The following TTLL11 variants were observed in gnomAD, a reference collection of about 807,000 sequenced individuals.
TTLL11 encodes tubulin polyglutamylase TTLL11.
Under a neutral mutation model 51.7 loss-of-function variants are expected in TTLL11, and 42 were observed. The ratio of observed to expected loss-of-function variants is 0.81; its 90% CI spans 0.64 to 1.05. The LOEUF is 1.05. Among genes scored for constraint, TTLL11 ranks in the 50% least tolerant of loss-of-function variants. The probability of loss-of-function intolerance (pLI) is 0.00; values close to 1 mark genes in which losing one functional copy is unlikely to be tolerated. For synonymous variants in TTLL11, 381 were observed against 383.5 expected, an observed-to-expected ratio of 0.99 and a Z score of 0.08; for missense variants, 799 against 940.4, an observed-to-expected ratio of 0.85 and a Z score of 1.97.
chr9:121,949,969 C>G (rs1426163881), intron 6 of TTLL11, among the ~76,000 whole-genome samples: 1 of 152,038 alleles, frequency 6.6e-6, no homozygotes, highest in African/African-American at 2.4e-5. Flanking sequence ...CTTGCTCTGT[C>G]CGCATCCATC....
chr9:121,935,930 C>T (rs60535180), intron 6 of TTLL11, among the ~76,000 whole-genome samples: 13,105 of 152,176 alleles, frequency 0.086, 922 homozygotes, highest in African/African-American at 0.19. Context: ...CGACAGGTCT[C>T]CAGGTACCCG....
chr9:122,063,188 T>C (rs1845484394), intron 1 of TTLL11, among the ~76,000 whole-genome samples: 1 of 152,190 alleles, frequency 6.6e-6, no homozygotes, highest in Non-Finnish European at 1.5e-5. Flanking sequence ...TTGAAAGCCA[T>C]TTTACATACT....
At chr9:121,909,872 AG>A (rs1375530305) in intron 6 of TTLL11, among the ~76,000 whole-genome samples, 5 of 152,130 alleles carry the variant, frequency 3.3e-5, no homozygotes, top group Non-Finnish European at 5.9e-5. Context: ...AGGTAAGAAG[AG>A]AGGAATGCCT....
intron 6 of TTLL11, among the ~76,000 whole-genome samples, chr9:121,895,988 T>G (rs1588106132): frequency 1.7e-5 from 1 of 60,024 alleles, no homozygotes; most frequent in Middle Eastern, 9.3e-3. Context: ...CTGTGGTGGG[T>G]GTTTTGTGTG....
rs768215225 is a variant in TTLL11, at chr9:121,971,746, G to GAAAAAAAAA, written c.1481+2254_1481+2262dup. ...ACTAAGAAAAATTCCTCTGCCTTGG[G>GAAAAAAAAA]AAAAAAAAAAAAAAAGAAAATGTGG... On this transcript the variant is annotated intron_variant, in intron 6 of 8. Transcript: ENST00000321582. Among the ~76,000 whole-genome samples the GAAAAAAAAA allele has an allele frequency of 9.3e-4, 91 of 97,696 alleles. 1 individual carries two copies. Among genetic ancestry groups the GAAAAAAAAA allele is most frequent in the Middle Eastern group, 6.6e-3 (1 of 152 alleles). 64.1% of individuals were successfully genotyped at this position (97,696 alleles called of 152,430 possible).
intron 3 of TTLL11, among the ~76,000 whole-genome samples, chr9:121,990,577 A>T (rs1564345013): frequency 6.6e-6 from 1 of 152,178 alleles, no homozygotes; most frequent in Non-Finnish European, 1.5e-5. Flanking sequence ...TCCTCACTTT[A>T]AAAATGGGGA....
intron 4 of TTLL11, among the ~76,000 whole-genome samples, chr9:121,986,070 C>T (rs544589288): frequency 1.3e-5 from 2 of 152,220 alleles, no homozygotes; most frequent in Non-Finnish European, 1.5e-5. Flanking sequence ...CGTCTCCCCC[C>T]ATGCTCCTCC....
intron 7 of TTLL11, among the ~76,000 whole-genome samples, chr9:121,861,087 G>GT (rs11310991): frequency 0.035 from 4,526 of 130,962 alleles, 90 homozygotes; most frequent in Non-Finnish European, 0.051. Context: ...CAAGGCAAGT[G>GT]TTTTTTTTTT....
chr9:122,020,898 GT>G (rs1467611891), intron 3 of TTLL11, among the ~76,000 whole-genome samples: 2 of 152,336 alleles, frequency 1.3e-5, no homozygotes, highest in Admixed American at 1.3e-4. Flanking sequence ...AGAAAAAAAA[GT>G]TTGTTATTCG....
intron 7 of TTLL11, among the ~76,000 whole-genome samples, chr9:121,865,618 A>G (rs1003224679): frequency 1.3e-5 from 2 of 152,154 alleles, no homozygotes; most frequent in Non-Finnish European, 2.9e-5. Context: ...ACAAAAATGC[A>G]TCTCCCTCCA....
At chr9:121,933,951 C>T (rs1018988330) in intron 6 of TTLL11, among the ~76,000 whole-genome samples, 36 of 152,176 alleles carry the variant, frequency 2.4e-4, no homozygotes, top group African/African-American at 8.0e-4. Flanking sequence ...TTGGTCCAGC[C>T]GGGCGCTGTG....
chr9:121,828,418 G>T (rs1021043397), intron 8 of TTLL11, among the ~76,000 whole-genome samples: 1 of 151,924 alleles, frequency 6.6e-6, no homozygotes, highest in Non-Finnish European at 1.5e-5. Context: ...CAACTGATCC[G>T]CCCACCTTGG....
intron 3 of TTLL11, among the ~76,000 whole-genome samples, chr9:122,013,698 T>C (rs2131756038): frequency 6.6e-6 from 1 of 152,276 alleles, no homozygotes; most frequent in Middle Eastern, 3.4e-3. Flanking sequence ...GGAATTGCGA[T>C]TGCCTGGGGG....
At chr9:121,971,819 C>G (rs1398282506) in intron 6 of TTLL11, among the ~76,000 whole-genome samples, 1 of 147,634 alleles carries the variant, frequency 6.8e-6, no homozygotes, top group Non-Finnish European at 1.5e-5. Context: ...AGAATGAGTT[C>G]ATGTCCTTTG....
intron 1 of TTLL11, among the ~76,000 whole-genome samples, chr9:122,045,796 A>G (rs907999879): frequency 6.6e-6 from 1 of 152,234 alleles, no homozygotes; most frequent in Non-Finnish European, 1.5e-5. Context: ...GTCAGACACA[A>G]AAAGACAAAT....
chr9:122,029,955 C>T (rs1588219286), intron 3 of TTLL11, among the ~76,000 whole-genome samples: 1 of 152,274 alleles, frequency 6.6e-6, no homozygotes, highest in East Asian at 1.9e-4. Context: ...CAGTACCATG[C>T]TATACAGGTT....
intron 1 of TTLL11, among the ~76,000 whole-genome samples, chr9:122,089,452 A>G (rs1846205897): frequency 6.6e-6 from 1 of 152,160 alleles, no homozygotes; most frequent in Non-Finnish European, 1.5e-5. Flanking sequence ...TACCAGGGAT[A>G]TATATATATG....
intron 6 of TTLL11, among the ~76,000 whole-genome samples, chr9:121,874,147 G>A (rs1453119501): frequency 3.9e-5 from 6 of 151,938 alleles, no homozygotes; most frequent in East Asian, 3.9e-4. Flanking sequence ...GTGAGCCACC[G>A]TGCCTGGCCA....
chr9:121,838,027 A>G (rs1837229231), intron 8 of TTLL11, among the ~76,000 whole-genome samples: 1 of 152,036 alleles, frequency 6.6e-6, no homozygotes, highest in African/African-American at 2.4e-5. Context: ...TCTTCCTGTC[A>G]TTCATTCCCC....
Sources: allele counts gnomAD v4.1 joint callset (sites outside exome capture counted in the v4.1 genomes callset), GRCh38; gene constraint gnomAD v4.1.1; transcripts MANE v1.5; gene names NCBI Gene and HGNC (gene_info 2026-07-23, HGNC 2026-07-21).